Variants in PCDH15 observed in about 807,000 individuals in gnomAD.
PCDH15 encodes the protein protocadherin-15.
PCDH15 carries 129 observed loss-of-function variants against 178.5 expected under a neutral mutation model. The ratio of observed to expected loss-of-function variants is 0.72; its 90% CI spans 0.63 to 0.84. PCDH15 has a LOEUF of 0.84. Among genes scored for constraint, PCDH15 ranks in the 40% least tolerant of loss-of-function variants. The probability of loss-of-function intolerance (pLI) is 0.00; values close to 1 mark genes in which losing one functional copy is unlikely to be tolerated. For synonymous variants in PCDH15, 800 were observed against 732.0 expected (o/e 1.09, Z -1.50); for missense variants, 2,230 against 2,099.9 (o/e 1.06, Z -1.21).
intron 2 of PCDH15, among the ~76,000 whole-genome samples, chr10:55,520,486 A>C (rs1410488596): frequency 6.9e-6 from 1 of 145,620 alleles, no homozygotes; most frequent in East Asian, 2.1e-4. Flanking sequence ...TCAAAAAATT[A>C]TTAGCTGTGT....
intron 2 of PCDH15, among the ~76,000 whole-genome samples, chr10:54,912,656 A>G (rs548565590): frequency 6.6e-6 from 1 of 152,336 alleles, no homozygotes; most frequent in East Asian, 1.9e-4. Context: ...AATTGGTACC[A>G]GAGAAGTAGT....
intron 15 of PCDH15, among the ~76,000 whole-genome samples, chr10:54,125,726 G>T (rs1454713839): frequency 6.6e-6 from 1 of 152,070 alleles, no homozygotes; most frequent in African/African-American, 2.4e-5. Flanking sequence ...AAATGGAGAA[G>T]TTTTCAAGTG....
chr10:54,356,487 A>G (rs1944998312), intron 5 of PCDH15, among the ~76,000 whole-genome samples: 1 of 151,750 alleles, frequency 6.6e-6, no homozygotes, highest in Admixed American at 6.6e-5. Flanking sequence ...ATGTATTTAT[A>G]TATGACATAT....
At chr10:55,144,441 T>G (rs925670505) in intron 2 of PCDH15, among the ~76,000 whole-genome samples, 2 of 152,128 alleles carry the variant, frequency 1.3e-5, no homozygotes, top group Non-Finnish European at 2.9e-5. Context: ...GAAGCCTAAT[T>G]AGGGTAAGTA....
chr10:54,506,513 G>A (rs957136286), intron 3 of PCDH15, among the ~76,000 whole-genome samples: 2 of 151,914 alleles, frequency 1.3e-5, no homozygotes, highest in Non-Finnish European at 2.9e-5. Flanking sequence ...CTAATACCTA[G>A]TAAGTAATCC....
At chr10:54,164,164 G>T (rs72797086) in intron 13 of PCDH15, among the ~76,000 whole-genome samples, 4,500 of 152,298 alleles carry the variant, frequency 0.03, 83 homozygotes, top group Middle Eastern at 0.082. Context: ...ATGCAGAATT[G>T]TCGGAGAAAG....
At chr10:54,458,556 A>T (rs188201772) in intron 3 of PCDH15, among the ~76,000 whole-genome samples, 81 of 151,992 alleles carry the variant, frequency 5.3e-4, no homozygotes, top group African/African-American at 1.8e-3. Context: ...CATCTCTTTT[A>T]TACACCCTTT....
intron 3 of PCDH15, among the ~76,000 whole-genome samples, chr10:54,414,785 G>GTC (rs1323551326): frequency 1.3e-4 from 20 of 152,096 alleles, no homozygotes; most frequent in Non-Finnish European, 1.9e-4. Context: ...AACAGCAATA[G>GTC]TAAGTAGTAG....
chr10:55,003,169 T>C (rs916243161), intron 2 of PCDH15, among the ~76,000 whole-genome samples: 13 of 152,198 alleles, frequency 8.5e-5, no homozygotes, highest in African/African-American at 1.9e-4. Context: ...CCTAAGACTT[T>C]TGTTATCCAC....
intron 3 of PCDH15, among the ~76,000 whole-genome samples, chr10:54,519,745 G>T (rs1156784974): frequency 1.3e-5 from 2 of 152,036 alleles, no homozygotes; most frequent in Admixed American, 6.6e-5. Context: ...AAAAGAGCCC[G>T]CATCACCAAG....
At chr10:55,580,546 C>A (rs1432501663) in intron 2 of PCDH15, among the ~76,000 whole-genome samples, 2 of 151,606 alleles carry the variant, frequency 1.3e-5, no homozygotes, top group Non-Finnish European at 2.9e-5. Flanking sequence ...TTAGTAGAGA[C>A]GGGGGTTTGC....
chr10:54,080,934 G>A (rs1445066916), intron 16 of PCDH15, among the ~76,000 whole-genome samples: 1 of 152,040 alleles, frequency 6.6e-6, no homozygotes, highest in Admixed American at 6.6e-5. Flanking sequence ...TTAAGAAACA[G>A]GAAAGCTGAA....
Position 55,299,115 on chromosome 10 carries a change from T to C in PCDH15, c.-156+20484A>G, listed in dbSNP as rs142982815. Among the ~76,000 whole-genome samples, 607 of 152,332 alleles carry C rather than the reference T, an allele frequency of 4.0e-3. 8 individuals are homozygous for C. Among genetic ancestry groups the C allele is most frequent in the African/African-American group, 0.014 (567 of 41,574 alleles). On this transcript the variant is annotated intron_variant, in intron 1 of 5. Transcript: ENST00000458638. ...CTGACTTTAATATAATTGATTGAAA[T>C]GAATAATCTATTTTTGGTCCTGGTT...
chr10:54,592,930 A>G (rs183308215), intron 2 of PCDH15, among the ~76,000 whole-genome samples: 19 of 152,248 alleles, frequency 1.2e-4, no homozygotes, highest in Admixed American at 1.2e-3. Context: ...CCTGATAATT[A>G]ATGTCATTAA....
rs1156524675 is a variant in PCDH15 at position 53,822,370 on chromosome 10, TAGAAGGAGG to T, written c.4368-2149_4368-2141del. The T allele has an allele frequency of 1.7e-5, 26 of 1,569,412 alleles. 1 individual carries two copies. Among genetic ancestry groups the T allele is most frequent in the South Asian group, 3.4e-5 (3 of 87,740 alleles). ...GTAGGAGGAGGAAGAGGAAGAGGGA[TAGAAGGAGG>T]AGAGGGAGGAGGACAAAAAAGAGAA... On this transcript the variant is annotated intron_variant, in intron 32 of 37. Transcript: ENST00000644397.
intron 2 of PCDH15, among the ~76,000 whole-genome samples, chr10:54,576,683 T>C (rs1029849773): frequency 2.0e-5 from 3 of 152,184 alleles, no homozygotes; most frequent in Non-Finnish European, 2.9e-5. Flanking sequence ...TTCTTGGGAA[T>C]TGTATCCAGA....
intron 1 of PCDH15, among the ~76,000 whole-genome samples, chr10:54,790,342 A>G (rs1279299523): frequency 6.7e-6 from 1 of 149,736 alleles, no homozygotes; most frequent in Non-Finnish European, 1.5e-5. Context: ...ATATATTTAC[A>G]TATATATATA....
intron 2 of PCDH15, among the ~76,000 whole-genome samples, chr10:55,362,928 T>C (rs1202980358): frequency 6.6e-6 from 1 of 152,070 alleles, no homozygotes; most frequent in Non-Finnish European, 1.5e-5. Flanking sequence ...GGGCCACACA[T>C]AAAATACACT....
intron 2 of PCDH15, among the ~76,000 whole-genome samples, chr10:55,461,476 G>A (rs1271673323): frequency 6.6e-6 from 1 of 152,052 alleles, no homozygotes; most frequent in Non-Finnish European, 1.5e-5. Flanking sequence ...TATTTTTGGG[G>A]GGAAAACATT....
Sources: allele counts gnomAD v4.1 joint callset (sites outside exome capture counted in the v4.1 genomes callset), GRCh38; gene constraint gnomAD v4.1.1; transcripts MANE v1.5; gene names NCBI Gene and HGNC (gene_info 2026-07-23, HGNC 2026-07-21).